PRSS23: variants seen among roughly 807,000 people sequenced by gnomAD.
The protein encoded by PRSS23 is protease, serine 23.
Under a neutral mutation model 34.7 loss-of-function variants are expected in PRSS23, and 25 were observed. The observed-to-expected ratio is 0.72, with a 90% CI of 0.53 to 1.01. The LOEUF (loss-of-function observed/expected upper bound fraction) is 1.01. Among genes scored for constraint, PRSS23 ranks in the 50% least tolerant of loss-of-function variants. The probability of loss-of-function intolerance (pLI) is 0.00; values close to 1 mark genes in which losing one functional copy is unlikely to be tolerated. For synonymous variants in PRSS23, 176 were observed against 186.6 expected (o/e 0.94, Z 0.46); for missense variants, 445 against 475.6 (o/e 0.94, Z 0.60).
At chr11:86,879,229 C>T (rs1435442221) in intron 2 of PRSS23, among the ~76,000 whole-genome samples, 13 of 145,002 alleles carry the variant, frequency 9.0e-5, no homozygotes, top group Non-Finnish European at 1.7e-4. Flanking sequence ...GCGCCTCTGC[C>T]CCGCCGCCCC....
chr11:86,836,589 C>T (rs1191651690), intron 2 of PRSS23, among the ~76,000 whole-genome samples: 16 of 152,184 alleles, frequency 1.1e-4, no homozygotes, highest in Admixed American at 1.0e-3. Flanking sequence ...AACAGTAAAG[C>T]TCCCTAGTCA....
At chr11:86,876,346 G>C (rs1948723948) in intron 2 of PRSS23, among the ~76,000 whole-genome samples, 1 of 152,178 alleles carries the variant, frequency 6.6e-6, no homozygotes, top group African/African-American at 2.4e-5. Flanking sequence ...GAAGGAATCA[G>C]CGAGTATGAG....
chr11:86,850,567 A>G (rs1460140611), intron 2 of PRSS23, among the ~76,000 whole-genome samples: 2 of 152,280 alleles, frequency 1.3e-5, no homozygotes, highest in African/African-American at 2.4e-5. Context: ...TAACACCAGG[A>G]TCTGTGCATG....
At chr11:86,942,252 G>A (rs1949212130) in intron 2 of PRSS23, among the ~76,000 whole-genome samples, 5 of 152,120 alleles carry the variant, frequency 3.3e-5, no homozygotes, top group Non-Finnish European at 1.5e-5. Context: ...GCTTTAAAAA[G>A]GACAGACATA....
At position 86,903,672 on chromosome 11, in the gene PRSS23, T is replaced by C. The variant is rs1590921714; in HGVS notation, c.207-47544T>C. On this transcript the variant is annotated intron_variant, in intron 2 of 2. Coordinates refer to the PRSS23 transcript ENST00000533902. The stretch of plus-strand genomic sequence containing the variant: ...TAATTTTTTTGTATTTTTAGTAGAG[T>C]TGGGGTTTCACTGTGTTAGCCAGGA... Among the ~76,000 whole-genome samples the C allele has an allele frequency of 4.6e-5, 7 of 151,730 alleles. No individual in the cohort carries two copies. In the South Asian group the frequency reaches 1.5e-3, roughly 32 times the overall value.
At chr11:86,876,673 G>GAAT (rs1169041475) in intron 2 of PRSS23, among the ~76,000 whole-genome samples, 1 of 151,894 alleles carries the variant, frequency 6.6e-6, no homozygotes. Flanking sequence ...GACTATTCGT[G>GAAT]ATTCCTATGC....
At chr11:86,848,436 T>G (rs977307420) in intron 2 of PRSS23, among the ~76,000 whole-genome samples, 1 of 152,164 alleles carries the variant, frequency 6.6e-6, no homozygotes, top group Non-Finnish European at 1.5e-5. Context: ...TCATGGAGAT[T>G]AGAGCCACAG....
At chr11:86,891,283 G>A (rs759931671) in intron 2 of PRSS23, among the ~76,000 whole-genome samples, 3 of 152,244 alleles carry the variant, frequency 2.0e-5, no homozygotes, top group Admixed American at 6.5e-5. Context: ...AAGATGGAGA[G>A]AAGCCAGAGC....
At chr11:86,925,145 T>C (rs1236640159) in intron 2 of PRSS23, 3 of 152,244 alleles carry the variant, frequency 2.0e-5, no homozygotes, top group African/African-American at 7.2e-5. Context: ...GCTGGCTGGC[T>C]GCCCAGTTTC....
chr11:86,793,156 G>A (rs1310060363), intron 1 of PRSS23, among the ~76,000 whole-genome samples: 3 of 152,124 alleles, frequency 2.0e-5, no homozygotes, highest in Non-Finnish European at 2.9e-5. Context: ...AAAGGATTCC[G>A]TGGTCAAATA....
intron 1 of PRSS23, chr11:86,791,272 G>A (rs1191525253): frequency 6.6e-6 from 1 of 152,324 alleles, no homozygotes; most frequent in Non-Finnish European, 1.5e-5. Flanking sequence ...GGCCTCTCTT[G>A]TTTCAGGTGG....
At chr11:86,819,195 G>A (rs1253371757) in intron 1 of PRSS23, among the ~76,000 whole-genome samples, 1 of 152,116 alleles carries the variant, frequency 6.6e-6, no homozygotes, top group African/African-American at 2.4e-5. Flanking sequence ...CATCCAAATA[G>A]CGAGAAAAAC....
At chr11:86,836,651 C>G (rs542644044) in intron 2 of PRSS23, among the ~76,000 whole-genome samples, 1 of 152,074 alleles carries the variant, frequency 6.6e-6, no homozygotes. Context: ...CAGGACCCCT[C>G]GAATAGTGAC....
intron 2 of PRSS23, among the ~76,000 whole-genome samples, chr11:86,850,301 C>T (rs940207338): frequency 2.0e-5 from 3 of 152,182 alleles, no homozygotes; most frequent in Non-Finnish European, 4.4e-5. Context: ...GAAAGTTCCC[C>T]TCTGGAGGAC....
chr11:86,868,068 G>GA (rs5793218), intron 2 of PRSS23, among the ~76,000 whole-genome samples: 24,485 of 151,600 alleles, frequency 0.16, 2,155 homozygotes, highest in South Asian at 0.26. Context: ...GGCCAAGGAG[G>GA]AAAAAAAAGT....
intron 2 of PRSS23, among the ~76,000 whole-genome samples, chr11:86,942,241 G>C (rs562239267): frequency 6.6e-6 from 1 of 152,178 alleles, no homozygotes; most frequent in South Asian, 2.1e-4. Context: ...GATGACCCAA[G>C]GCTTTAAAAA....
intron 2 of PRSS23, among the ~76,000 whole-genome samples, chr11:86,893,533 T>C (rs1358792394): frequency 6.6e-6 from 1 of 152,170 alleles, no homozygotes; most frequent in Non-Finnish European, 1.5e-5. Context: ...AAAAAATCTT[T>C]GGATTTGGTT....
At chr11:86,888,017 A>G (rs1445340360) in intron 2 of PRSS23, among the ~76,000 whole-genome samples, 2 of 151,240 alleles carry the variant, frequency 1.3e-5, no homozygotes, top group African/African-American at 4.9e-5. Flanking sequence ...GCGCCATTGC[A>G]CTCCAGCCTA....
intron 2 of PRSS23, among the ~76,000 whole-genome samples, chr11:86,838,364 G>A (rs563474126): frequency 7.2e-5 from 11 of 152,326 alleles, no homozygotes; most frequent in African/African-American, 2.4e-4. Flanking sequence ...CTCACTGTTA[G>A]CACAGCAGTC....
Sources: allele counts gnomAD v4.1 joint callset (sites outside exome capture counted in the v4.1 genomes callset), GRCh38; gene constraint gnomAD v4.1.1; transcripts MANE v1.5; gene names NCBI Gene and HGNC (gene_info 2026-07-23, HGNC 2026-07-21).